CSMD1: variants seen among roughly 807,000 people sequenced by gnomAD.
CSMD1 encodes CUB and Sushi multiple domains 1.
In CSMD1, 213 loss-of-function variants were observed where a neutral mutation model predicts 417.5. The observed-to-expected ratio is 0.51, with a 90% CI of 0.46 to 0.57. The LOEUF is 0.57. Ranked by LOEUF, CSMD1 falls within the 20% of genes least tolerant of loss-of-function variation. The pLI is 0.00. For missense variants in CSMD1, 6,923 were observed against 4,529.7 expected (o/e 1.53, Z -15.17); for synonymous variants, 2,862 against 1,736.8 (o/e 1.65, Z -16.11).
rs17070445 is a variant in CSMD1, at chr8:4,500,629, G to C, written c.303-80564C>G. On this transcript the variant is annotated intron_variant, in intron 2 of 69. Transcript: ENST00000635120. Reference sequence around the variant, plus strand: ...GGGAACTGGTTGTTTTTGAGCGGGAGAGAGGGACGAAAGTGAGAGGTGTTA... The same window carrying C: ...GGGAACTGGTTGTTTTTGAGCGGGACAGAGGGACGAAAGTGAGAGGTGTTA... 9.9e-3 allele frequency among the ~76,000 whole-genome samples: 1,511 copies of C among 152,230 alleles called. 25 individuals are homozygous for C. The highest frequency in any genetic ancestry group is 0.034 in the African/African-American group (1,418 of 41,552).
intron 31 of CSMD1, among the ~76,000 whole-genome samples, chr8:3,202,025 G>T (rs996628790): frequency 6.6e-6 from 1 of 152,136 alleles, no homozygotes; most frequent in East Asian, 1.9e-4. Flanking sequence ...TATATGGGCT[G>T]GATGTGGTGG....
chr8:4,673,028 C>T (rs146261583), intron 1 of CSMD1, among the ~76,000 whole-genome samples: 1 of 151,760 alleles, frequency 6.6e-6, no homozygotes, highest in East Asian at 1.9e-4. Context: ...CACACACGCA[C>T]ACGGTGACAC....
intron 32 of CSMD1, among the ~76,000 whole-genome samples, chr8:3,200,175 T>A (rs112838723): frequency 1.4e-4 from 21 of 152,112 alleles, no homozygotes; most frequent in East Asian, 7.7e-4. Flanking sequence ...ACTTAAAAAA[T>A]TTTTAAAAGT....
intron 3 of CSMD1, among the ~76,000 whole-genome samples, chr8:4,362,907 T>C (rs1801854557): frequency 6.6e-6 from 1 of 152,230 alleles, no homozygotes; most frequent in African/African-American, 2.4e-5. Context: ...TAATTAAATG[T>C]AAAAGATTAT....
chr8:3,359,183 A>C lies in CSMD1; in HGVS notation c.3273T>G (p.Arg1091=), dbSNP rs751414380. 5 of 1,613,982 alleles carry C rather than the reference A, an allele frequency of 3.1e-6. No individual in the cohort carries two copies. The South Asian group carries it at 5.5e-5, about 18-fold the overall frequency. The change falls in exon 21 of 70, where the codon CGT becomes CGG. Residue 1091 remains arginine (R), a synonymous_variant. Coordinates refer to ENST00000635120, the MANE Select transcript of CSMD1 (RefSeq NM_033225.6). Reference sequence around the variant, plus strand: ...ACCTTGGCAGAGGTGCACTCCACACACGGCGGCCCCCACCCAGGCAGGTAA... The same window carrying C: ...ACCTTGGCAGAGGTGCACTCCACACCCGGCGGCCCCCACCCAGGCAGGTAA... ...TKLTCLGGGR[R]VWSAPLPRCV...
At chr8:4,397,932 C>T (rs1426331963) in intron 3 of CSMD1, among the ~76,000 whole-genome samples, 1 of 152,026 alleles carries the variant, frequency 6.6e-6, no homozygotes, top group Non-Finnish European at 1.5e-5. Context: ...TTAAAACATT[C>T]TAGAGTAGGA....
rs76593384 is a variant in CSMD1 at position 4,389,737 on chromosome 8, G to C, written c.415+30216C>G. On this transcript the variant is annotated intron_variant, in intron 3 of 69. Transcript: ENST00000635120. ...CCTGTATATTTTAAAATTGGCATGA[G>C]TAGTTACACAAATATATTGTTTGCT... 3.7e-3 allele frequency among the ~76,000 whole-genome samples: 562 copies of C among 152,144 alleles called. 22 individuals are homozygous for C. In the East Asian group the frequency reaches 0.095, roughly 26 times the overall value.
chr8:3,142,813 A>G (rs1818586654), intron 40 of CSMD1, 139 bp from the exon 41 acceptor site: 2 of 775,270 alleles, frequency 2.6e-6, no homozygotes, highest in African/African-American at 3.4e-5. Flanking sequence ...GGAGGACGGC[A>G]TTCACTGTGG....
At chr8:3,661,709 C>A (rs1349145833) in intron 7 of CSMD1, among the ~76,000 whole-genome samples, 4 of 152,104 alleles carry the variant, frequency 2.6e-5, no homozygotes, top group African/African-American at 9.7e-5. Context: ...GTTGGTCAGG[C>A]TAGTCTCGAA....
At chr8:3,249,354 C>G (rs1187680060) in intron 26 of CSMD1, among the ~76,000 whole-genome samples, 1 of 152,046 alleles carries the variant, frequency 6.6e-6, no homozygotes, top group Non-Finnish European at 1.5e-5. Context: ...ACCCGAGGAG[C>G]TGCGACTACA....
intron 3 of CSMD1, among the ~76,000 whole-genome samples, chr8:4,180,695 C>G (rs1798317982): frequency 1.3e-5 from 2 of 152,178 alleles, no homozygotes; most frequent in Admixed American, 6.5e-5. Flanking sequence ...AGGTAGCTCA[C>G]TGGTTGTCAT....
At chr8:4,961,616 G>T (rs955046076) in intron 1 of CSMD1, among the ~76,000 whole-genome samples, 9 of 151,992 alleles carry the variant, frequency 5.9e-5, no homozygotes, top group Non-Finnish European at 2.9e-5. Context: ...CCGTTTTGTC[G>T]CTCAAACTTT....
intron 5 of CSMD1, among the ~76,000 whole-genome samples, chr8:3,900,757 A>C (rs919883556): frequency 6.6e-6 from 1 of 152,044 alleles, no homozygotes; most frequent in South Asian, 2.1e-4. Flanking sequence ...CAACTGGGTG[A>C]CAGTACAGCT....
At chr8:3,846,493 C>T (rs989206407) in intron 5 of CSMD1, among the ~76,000 whole-genome samples, 1 of 152,104 alleles carries the variant, frequency 6.6e-6, no homozygotes, top group Non-Finnish European at 1.5e-5. Context: ...GTGTGAAACT[C>T]AGATAAGCAT....
At position 3,975,564 on chromosome 8, in the gene CSMD1, C is replaced by A. The variant is rs796788803; in HGVS notation, c.818+22339G>T. On this transcript the variant is annotated intron_variant, in intron 5 of 69. Transcript: ENST00000635120. ...CTCCCACTGTCGGGATGACGGGCAGCGCTTTATCAGAGAGAAGCTGGGCAC... is the reference window on the plus strand; with the variant it reads ...CTCCCACTGTCGGGATGACGGGCAGAGCTTTATCAGAGAGAAGCTGGGCAC... Among the ~76,000 whole-genome samples, 53 of 152,208 alleles carry A rather than the reference C, an allele frequency of 3.5e-4. 1 individual carries two copies. Among genetic ancestry groups the A allele is most frequent in the African/African-American group, 1.2e-3 (51 of 41,540 alleles).
At chr8:4,425,967 G>A (rs1797527039) in intron 2 of CSMD1, among the ~76,000 whole-genome samples, 1 of 151,860 alleles carries the variant, frequency 6.6e-6, no homozygotes, top group African/African-American at 2.4e-5. Context: ...TTTTAGAGAG[G>A]TAGACATAGC....
intron 26 of CSMD1, among the ~76,000 whole-genome samples, chr8:3,252,574 C>T (rs778987012): frequency 2.0e-5 from 3 of 152,168 alleles, no homozygotes; most frequent in Non-Finnish European, 4.4e-5. Flanking sequence ...ATGCTGGCCT[C>T]ATAAAATGAG....
At position 4,151,311 on chromosome 8, in the gene CSMD1, C is replaced by G. The variant is rs147367568; in HGVS notation, c.416-119212G>C. ...TAAATCATTTGCCTTGTTATAGATC[C>G]TAAGATCAATGCTTCAAGAGATAAA... On this transcript the variant is annotated intron_variant, in intron 3 of 69. Transcript: ENST00000635120. Among the ~76,000 whole-genome samples, 500 of 152,172 alleles carry G rather than the reference C, an allele frequency of 3.3e-3. 2 individuals are homozygous for G. Among genetic ancestry groups the G allele is most frequent in the South Asian group, 0.01 (50 of 4,824 alleles).
At chr8:4,281,549 G>T (rs1408994027) in intron 3 of CSMD1, among the ~76,000 whole-genome samples, 3 of 152,176 alleles carry the variant, frequency 2.0e-5, no homozygotes, top group Non-Finnish European at 4.4e-5. Context: ...CCTTTAAAAT[G>T]TTGTGACAAA....
Sources: gnomAD v4.1 joint callset for allele counts (sites outside exome capture counted in the v4.1 genomes callset) on GRCh38, gnomAD v4.1.1 for gene constraint, MANE v1.5 for transcripts, NCBI Gene and HGNC (gene_info 2026-07-23, HGNC 2026-07-21) for gene names.